PLEKHH2: variants seen among roughly 807,000 people sequenced by gnomAD.
PLEKHH2 encodes the protein pleckstrin homology domain-containing family H member 2.
A neutral mutation model predicts 187.9 loss-of-function variants in PLEKHH2; 129 were observed. The observed-to-expected ratio is 0.69, with a 90% CI of 0.59 to 0.79. The LOEUF (loss-of-function observed/expected upper bound fraction) is 0.79. Among genes scored for constraint, PLEKHH2 ranks in the 30% least tolerant of loss-of-function variants. PLEKHH2 has a pLI of 0.00. For missense variants in PLEKHH2, 2,076 were observed against 1,751.2 expected (o/e 1.19, Z -3.31); for synonymous variants, 686 against 605.6 (o/e 1.13, Z -1.95).
In PLEKHH2 at chr2:43,710,000, C is replaced by T. The variant is rs138994836; in HGVS notation, c.1977C>T (p.Leu659=). The T allele has an allele frequency of 1.2e-6, 2 of 1,610,312 alleles. No homozygotes were observed. Among genetic ancestry groups the T allele is most frequent in the Non-Finnish European group, 1.7e-6 (2 of 1,178,624 alleles). Residue 659 remains leucine (L), a synonymous_variant, in exon 12 of 30, where the codon CTC becomes CTT. Coordinates refer to ENST00000282406, the MANE Select transcript of PLEKHH2 (RefSeq NM_172069.4). ...TCTTTGTTCTCTTAGGTGTGTCTCT[C>T]TCCTCTGTGGCTTCTGAAAGTGATT... ...SPRAMKRGVS[L]SSVASESDYA...
At chr2:43,710,729 C>T (rs13397108) in intron 14 of PLEKHH2, 154 bp downstream of exon 14, 62 of 1,410,700 alleles carry the variant, frequency 4.4e-5, no homozygotes, top group Middle Eastern at 2.6e-4. Flanking sequence ...TGAAACTCCA[C>T]GAATTTTTGG....
chr2:43,729,570 C>G, intron 17 of PLEKHH2, 67 bp from the exon 18 acceptor site: 2 of 1,087,324 alleles, frequency 1.8e-6, no homozygotes, highest in Non-Finnish European at 2.6e-6. Context: ...ACTGTTTATG[C>G]AAGTTGTTTT....
chr2:43,697,104 C>A, intron 6 of PLEKHH2, 67 bp from the exon 7 acceptor site: 1 of 1,332,528 alleles, frequency 7.5e-7, no homozygotes, highest in South Asian at 1.7e-5. Context: ...TTTTATATGC[C>A]TTGGTTCTAT....
Position 43,710,054 on chromosome 2 carries a change from A to G in PLEKHH2, c.2031A>G (p.Thr677=). ...CTATTCCTCCTGATGCTTACTCCACAGACACGGAGTACTCACAGCCAGAGC... is the reference window on the plus strand; with the variant it reads ...CTATTCCTCCTGATGCTTACTCCACGGACACGGAGTACTCACAGCCAGAGC... The part of the protein sequence containing the change: ...DYAIPPDAYS[T]DTEYSQPEQK... The change falls in exon 12 of 30, where the codon ACA becomes ACG. Residue 677 remains threonine, a synonymous_variant. Coordinates refer to ENST00000282406, the MANE Select transcript of PLEKHH2 (RefSeq NM_172069.4). 1 of 1,612,386 alleles carries G rather than the reference A, an allele frequency of 6.2e-7. No homozygotes were observed. Among genetic ancestry groups the G allele is most frequent in the Non-Finnish European group, 8.5e-7 (1 of 1,178,440 alleles).
chr2:43,700,689 G>C, intron 8 of PLEKHH2, 81 bp downstream of exon 8: 3 of 1,491,114 alleles, frequency 2.0e-6, no homozygotes, highest in Non-Finnish European at 2.7e-6. Context: ...GTCTCGCTCT[G>C]TCGCCCAAGC....
At chr2:43,741,170 A>G in intron 21 of PLEKHH2, 127 bp downstream of exon 21, 1 of 779,848 alleles carries the variant, frequency 1.3e-6, no homozygotes, top group Non-Finnish European at 1.9e-6. Context: ...TGGTACAGGA[A>G]GCCTTTGGTT....
intron 14 of PLEKHH2, chr2:43,711,462 T>C: frequency 1.0e-6 from 1 of 966,956 alleles, no homozygotes; most frequent in Non-Finnish European, 1.2e-6. Context: ...GTTCCAATAA[T>C]TTATCTTCTT....
Position 43,753,774 on chromosome 2 carries a change from T to G in PLEKHH2, c.3795+14T>G, listed in dbSNP as rs372909567. 7.1e-6 allele frequency: 11 copies of G among 1,540,992 alleles called. No homozygotes were observed. The South Asian group carries it at 1.0e-4, about 14-fold the overall frequency. ...CTTTTATCTCAGGTAACTTCCATGT[T>G]ATATGGAGTAATATATTGAAATAAT... is the stretch of plus-strand genomic sequence containing the variant. On this transcript the variant is annotated intron_variant, in intron 25 of 29. Transcript: ENST00000282406.
In PLEKHH2 at chr2:43,700,207, C is replaced by T; in HGVS notation, c.1249C>T (p.Pro417Ser). The change falls in exon 8 of 30, where the codon CCA becomes TCA. Residue 417 changes from proline to serine, a missense_variant. Coordinates refer to ENST00000282406, the MANE Select transcript of PLEKHH2 (RefSeq NM_172069.4). ...PSPILTPALM[P>S]KHPNSLSGKG... ...CCCTATTTTGACCCCAGCTTTAATG[C>T]CAAAGCATCCTAACTCACTCTCTGG... is the stretch of plus-strand genomic sequence containing the variant. 1 of 1,614,134 alleles carries T rather than the reference C, an allele frequency of 6.2e-7. No individual in the cohort carries two copies. Among genetic ancestry groups the T allele is most frequent in the Middle Eastern group, 1.6e-4 (1 of 6,062 alleles).
In PLEKHH2 at chr2:43,710,584, CTTTTTTTTTTT is replaced by C. The variant is rs376851824; in HGVS notation, c.2301+23_2301+33del. 5.6e-4 allele frequency: 692 copies of C among 1,242,570 alleles called. 1 individual carries two copies. The highest frequency in any genetic ancestry group is 1.5e-4 in the African/African-American group (8 of 53,998). The allele number at this position is 1,242,570 out of a possible 1,614,324, so 77.0% of individuals were successfully genotyped here. Reference sequence around the variant, plus strand: ...ACAAACAAACAGTTCAGGTACTTAACTTTTTTTTTTTTTTTTTTTTTTTTGTATCATGCCAG... The same window carrying C: ...ACAAACAAACAGTTCAGGTACTTAACTTTTTTTTTTTTTGTATCATGCCAG... On this transcript the variant is annotated intron_variant, in intron 14 of 29. Transcript: ENST00000282406.
intron 3 of PLEKHH2, among the ~76,000 whole-genome samples, chr2:43,689,241 G>A (rs1358111683): frequency 6.6e-6 from 1 of 152,176 alleles, no homozygotes; most frequent in Non-Finnish European, 1.5e-5. Flanking sequence ...AGGGACCTTG[G>A]GATCAAGAAG....
chr2:43,744,804 G>T (rs1157997579), intron 23 of PLEKHH2, among the ~76,000 whole-genome samples: 1 of 149,890 alleles, frequency 6.7e-6, no homozygotes, highest in African/African-American at 2.5e-5. Flanking sequence ...TGAGGTCGAG[G>T]CTGCAGTGAG....
rs757561520 is a variant in PLEKHH2, at chr2:43,695,234, C to G, written c.502+10C>G. 2.6e-6 allele frequency: 4 copies of G among 1,514,660 alleles called. No homozygotes were observed. Among genetic ancestry groups the G allele is most frequent in the Non-Finnish European group, 3.6e-6 (4 of 1,106,616 alleles). The allele number at this position is 1,514,660 out of a possible 1,614,324, so 93.8% of individuals were successfully genotyped here. A position where few individuals can be genotyped will look rare whatever the true frequency, so the allele number is the denominator to read the frequency against. On this transcript the variant is annotated intron_variant, in intron 6 of 29. Coordinates refer to ENST00000282406, the MANE Select transcript of PLEKHH2 (RefSeq NM_172069.4). ...CAGTCAAAACTACAAGGTACAAATA[C>G]TTTACTAAGATAGCTTAGTTGGATT...
intron 2 of PLEKHH2, among the ~76,000 whole-genome samples, chr2:43,673,067 A>C (rs2104406358): frequency 6.6e-6 from 1 of 152,266 alleles, no homozygotes; most frequent in East Asian, 1.9e-4. Context: ...TATTTAAAAC[A>C]TTTTATTAGA....
intron 3 of PLEKHH2, chr2:43,680,698 A>G (rs139604165): frequency 2.2e-4 from 89 of 406,874 alleles, no homozygotes; most frequent in African/African-American, 1.6e-3. Context: ...GAAGTCAAGT[A>G]AGCCTTCCGA....
rs183376957 is a variant in PLEKHH2 at position 43,756,694 on chromosome 2, T to A, written c.3796-425T>A. 2.4e-3 allele frequency among the ~76,000 whole-genome samples: 365 copies of A among 152,288 alleles called. 1 individual carries two copies. The highest frequency in any genetic ancestry group is 8.5e-3 in the African/African-American group (354 of 41,562). On this transcript the variant is annotated intron_variant, in intron 25 of 29. Coordinates refer to ENST00000282406, the MANE Select transcript of PLEKHH2 (RefSeq NM_172069.4). ...CGGTGGCTCTGGCTCACGCTTGCAA[T>A]CCCAACACTTTGGTAGGCCAAGGTA...
intron 9 of PLEKHH2, 123 bp from the exon 10 acceptor site, chr2:43,706,199 G>C: frequency 1.4e-6 from 1 of 720,462 alleles, no homozygotes; most frequent in Non-Finnish European, 2.4e-6. Context: ...TATACAGTTA[G>C]TAATCATGTA....
intron 2 of PLEKHH2, among the ~76,000 whole-genome samples, chr2:43,646,946 T>C (rs1485841016): frequency 6.6e-6 from 1 of 152,062 alleles, no homozygotes. Flanking sequence ...ACTCATGGCT[T>C]CCCAATAAAT....
chr2:43,712,129 G>A, intron 14 of PLEKHH2, 96 bp from the exon 15 acceptor site: 7 of 1,459,254 alleles, frequency 4.8e-6, no homozygotes, highest in Non-Finnish European at 5.6e-6. Flanking sequence ...GTTTGCTTCT[G>A]TGTTAAGTAA....
Sources: gnomAD v4.1 joint callset for allele counts (sites outside exome capture counted in the v4.1 genomes callset) on GRCh38, gnomAD v4.1.1 for gene constraint, MANE v1.5 for transcripts, NCBI Gene and HGNC (gene_info 2026-07-23, HGNC 2026-07-21) for gene names.